NAV3: variants seen among roughly 807,000 people sequenced by gnomAD.
The protein encoded by NAV3 is neuron navigator 3.
NAV3 carries 87 observed loss-of-function variants against 244.7 expected under a neutral mutation model. The ratio of observed to expected loss-of-function variants is 0.36; its 90% CI spans 0.30 to 0.42. The LOEUF is 0.42. Among genes scored for constraint, NAV3 ranks in the 20% least tolerant of loss-of-function variants. NAV3 has a pLI of 1.00. For missense variants in NAV3, 2,663 were observed against 2,893.3 expected (o/e 0.92, Z 1.83); for synonymous variants, 1,126 against 1,042.2 (o/e 1.08, Z -1.55).
chr12:78,187,069 A>T (rs1958753773), intron 31 of NAV3, among the ~76,000 whole-genome samples: 1 of 151,926 alleles, frequency 6.6e-6, no homozygotes, highest in Non-Finnish European at 1.5e-5. Flanking sequence ...TAGGGCTTCG[A>T]TGTATGAATT....
At chr12:77,998,628 C>G (rs754270000) in intron 7 of NAV3, 152 bp downstream of exon 7, 26 of 695,082 alleles carry the variant, frequency 3.7e-5, no homozygotes, top group Non-Finnish European at 5.5e-5. Context: ...CTCCTGACTG[C>G]CAGCTTTCTT....
chr12:78,209,546 CG>C (rs1040611172), intron 39 of NAV3, among the ~76,000 whole-genome samples: 3 of 146,878 alleles, frequency 2.0e-5, no homozygotes, highest in African/African-American at 7.5e-5. Flanking sequence ...ACTTTTTTTC[CG>C]AAAAAAAAAA....
chr12:78,200,631 A>T, intron 38 of NAV3, 40 bp downstream of exon 38: 1 of 1,251,044 alleles, frequency 8.0e-7, no homozygotes, highest in Non-Finnish European at 1.1e-6. Context: ...TTTTTAAAAA[A>T]AAAAAGCAAA....
At chr12:78,194,128 C>G (rs1411470906) in intron 34 of NAV3, among the ~76,000 whole-genome samples, 1 of 152,102 alleles carries the variant, frequency 6.6e-6, no homozygotes, top group Non-Finnish European at 1.5e-5. Context: ...CAATTAAACA[C>G]TATCAGCCAT....
intron 2 of NAV3, among the ~76,000 whole-genome samples, chr12:77,769,223 G>A (rs1161331282): frequency 6.6e-6 from 1 of 152,186 alleles, no homozygotes; most frequent in Non-Finnish European, 1.5e-5. Context: ...GTTGCTGCAT[G>A]TTTATGAAAC....
intron 2 of NAV3, among the ~76,000 whole-genome samples, chr12:77,613,948 T>C (rs1871038595): frequency 6.6e-6 from 1 of 152,140 alleles, no homozygotes; most frequent in Non-Finnish European, 1.5e-5. Flanking sequence ...GGCTTCCCCC[T>C]ATAACATGAA....
rs77922581 is a variant in NAV3, at chr12:78,050,908, G to A, written c.2277G>A (p.Leu759=). ...TTCAGGCGGGAGATGCTCCCTCCCT[G>A]GGTGCTGGCTATCCTCGCAGTGGTA... ...PRLQAGDAPS[L]GAGYPRSGTS... Residue 759 remains leucine, a synonymous_variant, in exon 11 of 40, where the codon CTG becomes CTA. Coordinates refer to ENST00000397909, the MANE Select transcript of NAV3 (RefSeq NM_001024383.2). 59 of 1,614,026 alleles carry A rather than the reference G, an allele frequency of 3.7e-5. No individual in the cohort carries two copies. In the African/African-American group the frequency reaches 7.6e-4, roughly 21 times the overall value.
chr12:78,143,544 T>G (rs928832027), intron 20 of NAV3: 3 of 261,448 alleles, frequency 1.1e-5, no homozygotes, highest in Non-Finnish European at 2.3e-5. Context: ...GGCAGGAGAA[T>G]CGCCTGAACC....
Position 78,185,681 on chromosome 12 carries a change from G to A in NAV3, c.5773G>A (p.Gly1925Ser), listed in dbSNP as rs1434038503. The change falls in exon 31 of 40, where the codon GGC becomes AGC. Residue 1925 changes from glycine to serine, a missense_variant. Transcript: ENST00000397909. The stretch of plus-strand genomic sequence containing the variant: ...GAAAATTATAGTCTCCATAAGCAAG[G>A]GCTATGGTCGAGCAAAGGTACTTCT... ...SVKIIVSISK[G>S]YGRAKDQKSQ... 1.2e-6 allele frequency: 2 copies of A among 1,607,798 alleles called. No individual in the cohort carries two copies. The highest frequency in any genetic ancestry group is 3.3e-5 in the Admixed American group (2 of 59,728).
intron 5 of NAV3, among the ~76,000 whole-genome samples, chr12:77,990,850 T>G (rs1871322343): frequency 6.6e-6 from 1 of 152,156 alleles, no homozygotes; most frequent in African/African-American, 2.4e-5. Context: ...TTGGGTCATT[T>G]GTCCTATTGA....
At chr12:78,177,341 A>T in intron 27 of NAV3, 28 bp downstream of exon 27, 7 of 1,589,640 alleles carry the variant, frequency 4.4e-6, no homozygotes, top group Non-Finnish European at 6.0e-6. Flanking sequence ...CAAAATGCAG[A>T]CATATTTTTT....
intron 2 of NAV3, among the ~76,000 whole-genome samples, chr12:77,666,722 C>A (rs976053820): frequency 3.7e-4 from 56 of 152,022 alleles, no homozygotes; most frequent in African/African-American, 1.3e-3. Flanking sequence ...TAGAATTTTT[C>A]TTTGATATTC....
intron 1 of NAV3, among the ~76,000 whole-genome samples, chr12:77,894,569 C>T (rs899474877): frequency 1.0e-3 from 2 of 1,996 alleles, no homozygotes; most frequent in South Asian, 0.5. Flanking sequence ...CTTTAACCAA[C>T]CCTCACTAGG....
At chr12:78,074,922 TA>T (rs1166102094) in intron 12 of NAV3, among the ~76,000 whole-genome samples, 1 of 152,190 alleles carries the variant, frequency 6.6e-6, no homozygotes, top group Non-Finnish European at 1.5e-5. Flanking sequence ...GTCTCTTTTC[TA>T]TCTTAGCAAA....
chr12:77,690,971 T>C lies in NAV3; in HGVS notation c.72+118705T>C, dbSNP rs556298951. 2.6e-5 allele frequency among the ~76,000 whole-genome samples: 4 copies of C among 150,996 alleles called. No individual in the cohort carries two copies. The South Asian group carries it at 8.3e-4, about 31-fold the overall frequency. On this transcript the variant is annotated intron_variant, in intron 2 of 8. Coordinates refer to the NAV3 transcript ENST00000550042. ...TTAGCAATAAATTGTGCTCTTAATT[T>C]TTCTTCTTTATATTTTTATGGCATC...
At chr12:78,146,712 T>C (rs1258312018) in intron 21 of NAV3, among the ~76,000 whole-genome samples, 1 of 151,376 alleles carries the variant, frequency 6.6e-6, no homozygotes, top group Non-Finnish European at 1.5e-5. Context: ...TTACAGTCTT[T>C]TTCCCACTCC....
intron 1 of NAV3, among the ~76,000 whole-genome samples, chr12:77,877,978 A>G (rs916440306): frequency 2.0e-5 from 3 of 152,130 alleles, no homozygotes; most frequent in African/African-American, 4.8e-5. Context: ...CAGTAAAATC[A>G]TGAGAAAAGT....
intron 2 of NAV3, among the ~76,000 whole-genome samples, chr12:77,677,471 T>G (rs1437410679): frequency 1.3e-5 from 2 of 152,122 alleles, no homozygotes; most frequent in African/African-American, 4.8e-5. Context: ...TAAACAAGGG[T>G]CCCAACACAT....
chr12:77,965,503 C>T (rs1424336935), intron 3 of NAV3, among the ~76,000 whole-genome samples: 1 of 152,094 alleles, frequency 6.6e-6, no homozygotes, highest in African/African-American at 2.4e-5. Flanking sequence ...CCTGTAGTCC[C>T]AGCTACTTGG....
Sources: gnomAD v4.1 joint callset for allele counts (sites outside exome capture counted in the v4.1 genomes callset) on GRCh38, gnomAD v4.1.1 for gene constraint, MANE v1.5 for transcripts, NCBI Gene and HGNC (gene_info 2026-07-23, HGNC 2026-07-21) for gene names.